Variants in PRKAG2 observed in about 807,000 individuals in gnomAD.
The protein encoded by PRKAG2 is protein kinase AMP-activated non-catalytic subunit gamma 2, also known as 5'-AMP-activated protein kinase subunit gamma-2.
A neutral mutation model predicts 69.6 loss-of-function variants in PRKAG2; 26 were observed. The ratio of observed to expected loss-of-function variants is 0.37; its 90% CI spans 0.27 to 0.52. The LOEUF (loss-of-function observed/expected upper bound fraction) is 0.52, where lower values mean the gene tolerates loss of function less well. PRKAG2 is among the 20% of genes least tolerant of loss of function. The probability of loss-of-function intolerance (pLI) is 0.90; values close to 1 mark genes in which losing one functional copy is unlikely to be tolerated. For missense variants in PRKAG2, 557 were observed against 740.0 expected, an observed-to-expected ratio of 0.75 and a Z score of 2.87; for synonymous variants, 293 against 285.0, an observed-to-expected ratio of 1.03 and a Z score of -0.28.
In PRKAG2 at chr7:151,557,017, G is replaced by C; in HGVS notation, c.*184C>G. ...GTCTGAAAACAGTCTTTTAATGCAA[G>C]CCTGAATCTTCAAGCACATAAAATC... On this transcript the variant is annotated 3_prime_UTR_variant, in exon 16 of 16. Coordinates refer to ENST00000287878, the MANE Select transcript of PRKAG2 (RefSeq NM_016203.4). The C allele has an allele frequency of 1.0e-6, 1 of 968,200 alleles. No individual in the cohort carries two copies. The highest frequency in any genetic ancestry group is 1.5e-6 in the Non-Finnish European group (1 of 647,632). The allele number at this position is 968,200 out of a possible 1,614,324, so 60.0% of individuals were successfully genotyped here. A position where few individuals can be genotyped will look rare whatever the true frequency, so the allele number is the denominator to read the frequency against.
intron 3 of PRKAG2, among the ~76,000 whole-genome samples, chr7:151,697,816 C>T (rs1836950501): frequency 6.6e-6 from 1 of 152,146 alleles, no homozygotes; most frequent in Admixed American, 6.5e-5. Flanking sequence ...GCCTTCCAAC[C>T]TCATCCACCC....
At chr7:151,776,503 G>A (rs1027474346) in intron 3 of PRKAG2, among the ~76,000 whole-genome samples, 22 of 152,192 alleles carry the variant, frequency 1.4e-4, no homozygotes, top group South Asian at 4.1e-4. Flanking sequence ...AGTGGCCAAC[G>A]TCCCACCATG....
intron 4 of PRKAG2, among the ~76,000 whole-genome samples, chr7:151,652,239 A>G (rs912735689): frequency 6.6e-6 from 1 of 152,178 alleles, no homozygotes; most frequent in Non-Finnish European, 1.5e-5. Flanking sequence ...GTAAACCAAT[A>G]CACTCCTCTC....
Position 151,556,188 on chromosome 7 carries a change from AAC to A in PRKAG2, c.*1011_*1012del, listed in dbSNP as rs1563116432. 2 of 151,440 alleles carry A rather than the reference AAC, an allele frequency of 1.3e-5. No individual in the cohort carries two copies. The highest frequency in any genetic ancestry group is 2.4e-5 in the African/African-American group (1 of 41,338). The allele number at this position is 151,440 out of a possible 1,614,324, so 9.4% of individuals were successfully genotyped here. On this transcript the variant is annotated 3_prime_UTR_variant, in exon 16 of 16. Transcript: ENST00000287878. ...AAAAAAAAACCCAAAACAAAAAAAA[AAC>A]AAACTATCCTCATATATATATATAC...
chr7:151,704,082 A>G (rs1303348138), intron 3 of PRKAG2, among the ~76,000 whole-genome samples: 3 of 152,038 alleles, frequency 2.0e-5, no homozygotes, highest in African/African-American at 7.2e-5. Context: ...ATGTGGGTAC[A>G]TAGTAGGTGT....
At chr7:151,830,704 G>A (rs940892408) in intron 1 of PRKAG2, among the ~76,000 whole-genome samples, 8 of 150,316 alleles carry the variant, frequency 5.3e-5, no homozygotes, top group Non-Finnish European at 1.2e-4. Context: ...GCCTCCTGCG[G>A]GATGGTGGAC....
At chr7:151,737,614 G>A (rs905826856) in intron 3 of PRKAG2, among the ~76,000 whole-genome samples, 3 of 152,128 alleles carry the variant, frequency 2.0e-5, no homozygotes, top group East Asian at 1.9e-4. Flanking sequence ...GGGTGGAAGC[G>A]CCCCAGCAGC....
intron 5 of PRKAG2, among the ~76,000 whole-genome samples, chr7:151,619,284 A>G (rs1191758493): frequency 6.6e-6 from 1 of 152,250 alleles, no homozygotes; most frequent in African/African-American, 2.4e-5. Flanking sequence ...GAGAGCTCAC[A>G]GGGATGAAGC....
In PRKAG2 at chr7:151,681,583, C is replaced by CT. The variant is rs962361870; in HGVS notation, c.467-5947dup. On this transcript the variant is annotated intron_variant, in intron 3 of 15. Coordinates refer to ENST00000287878, the MANE Select transcript of PRKAG2 (RefSeq NM_016203.4). Reference sequence around the variant, plus strand: ...GGGGTAGAGTCTTGCAGCATCAACACTTTTTTTTTGTTTTTTGCACGATGC... The same window carrying CT: ...GGGGTAGAGTCTTGCAGCATCAACACTTTTTTTTTTGTTTTTTGCACGATGC... 2.6e-3 allele frequency among the ~76,000 whole-genome samples: 394 copies of CT among 151,516 alleles called. 3 individuals carry two copies. The highest frequency in any genetic ancestry group is 9.0e-3 in the African/African-American group (371 of 41,268).
In PRKAG2 at chr7:151,860,420, G is replaced by A. The variant is rs59914306; in HGVS notation, c.114+16087C>T. ...ACCCCCTCTCCTCCCTGGCATCCAC[G>A]CCTGTACTGGTGGACAATCAGAGAC... is the stretch of plus-strand genomic sequence containing the variant. On this transcript the variant is annotated intron_variant, in intron 1 of 15. Transcript: ENST00000287878. Among the ~76,000 whole-genome samples, 733 of 152,246 alleles carry A rather than the reference G, an allele frequency of 4.8e-3. 15 individuals are homozygous for A. In the East Asian group the frequency reaches 0.08, roughly 17 times the overall value.
chr7:151,760,444 G>A (rs2075346513), intron 3 of PRKAG2, among the ~76,000 whole-genome samples: 1 of 152,156 alleles, frequency 6.6e-6, no homozygotes, highest in Non-Finnish European at 1.5e-5. Context: ...ATGTTGGCCA[G>A]GCTGGTCTCG....
At chr7:151,680,714 T>A (rs1295170539) in intron 3 of PRKAG2, among the ~76,000 whole-genome samples, 3 of 152,204 alleles carry the variant, frequency 2.0e-5, no homozygotes, top group African/African-American at 7.2e-5. Flanking sequence ...GCGAAGGCCA[T>A]ATTTAAGCAC....
At chr7:151,620,960 C>T (rs1342647714) in intron 5 of PRKAG2, among the ~76,000 whole-genome samples, 4 of 152,164 alleles carry the variant, frequency 2.6e-5, no homozygotes, top group South Asian at 2.1e-4. Flanking sequence ...TTACCTGAGC[C>T]GCCCACCTTG....
chr7:151,587,075 C>T (rs1811856329), intron 6 of PRKAG2, among the ~76,000 whole-genome samples: 1 of 152,066 alleles, frequency 6.6e-6, no homozygotes, highest in East Asian at 1.9e-4. Context: ...GTGGGAGAAT[C>T]GCTTCAAGTG....
In PRKAG2 at chr7:151,650,014, C is replaced by T. The variant is rs1014139357; in HGVS notation, c.685-17876G>A. ...ACACACCCCTGTATGTGTTGCAAAG[C>T]GTAATGACTACTTGGTATTTCTATT... On this transcript the variant is annotated intron_variant, in intron 4 of 15. Coordinates refer to ENST00000287878, the MANE Select transcript of PRKAG2 (RefSeq NM_016203.4). Among the ~76,000 whole-genome samples the T allele has an allele frequency of 4.6e-5, 7 of 152,206 alleles. 1 individual carries two copies. Among genetic ancestry groups the T allele is most frequent in the Middle Eastern group, 6.8e-3 (2 of 294 alleles).
intron 3 of PRKAG2, among the ~76,000 whole-genome samples, chr7:151,733,696 A>C (rs1586157548): frequency 6.9e-6 from 1 of 145,410 alleles, no homozygotes; most frequent in Admixed American, 6.7e-5. Context: ...ATTCCCGTGC[A>C]CAGTCACCAT....
intron 3 of PRKAG2, among the ~76,000 whole-genome samples, chr7:151,765,194 C>T (rs2075666892): frequency 6.6e-6 from 1 of 152,172 alleles, no homozygotes; most frequent in Non-Finnish European, 1.5e-5. Flanking sequence ...GTTCTGTAGG[C>T]TCTACAGGAA....
At chr7:151,721,879 T>G (rs940047413) in intron 3 of PRKAG2, among the ~76,000 whole-genome samples, 10 of 152,200 alleles carry the variant, frequency 6.6e-5, no homozygotes, top group Non-Finnish European at 1.3e-4. Context: ...ATACTCCTTG[T>G]CCTAGATTCT....
chr7:151,834,274 G>C (rs2079099059), intron 1 of PRKAG2, among the ~76,000 whole-genome samples: 1 of 152,320 alleles, frequency 6.6e-6, no homozygotes, highest in East Asian at 1.9e-4. Flanking sequence ...GAATGAGAAA[G>C]TACACCCAAG....
Sources: allele counts gnomAD v4.1 joint callset (sites outside exome capture counted in the v4.1 genomes callset), GRCh38; gene constraint gnomAD v4.1.1; transcripts MANE v1.5; gene names NCBI Gene and HGNC (gene_info 2026-07-23, HGNC 2026-07-21).